Variants in CDH20 observed in about 807,000 individuals in gnomAD.
The protein encoded by CDH20 is cadherin 20.
In CDH20, 29 loss-of-function variants were observed where a neutral mutation model predicts 74.2. That is an observed-to-expected ratio of 0.39 (90% CI 0.29 to 0.53). The LOEUF (loss-of-function observed/expected upper bound fraction) is 0.53, where lower values mean the gene tolerates loss of function less well. CDH20 is among the 20% of genes least tolerant of loss of function. CDH20 has a pLI of 0.69. For missense variants in CDH20, 988 were observed against 1,048.3 expected, an observed-to-expected ratio of 0.94 and a Z score of 0.79; for synonymous variants, 469 against 405.4, an observed-to-expected ratio of 1.16 and a Z score of -1.88.
chr18:61,340,978 A>G (rs1385250277), intron 1 of CDH20, among the ~76,000 whole-genome samples: 1 of 152,232 alleles, frequency 6.6e-6, no homozygotes, highest in East Asian at 1.9e-4. Context: ...CTTTGCATCA[A>G]AGGATATCTT....
intron 1 of CDH20, among the ~76,000 whole-genome samples, chr18:61,389,953 T>C (rs774620701): frequency 1.3e-5 from 2 of 152,194 alleles, no homozygotes; most frequent in Non-Finnish European, 2.9e-5. Flanking sequence ...TATGCTCCAG[T>C]AACAGTCATC....
chr18:61,408,324 A>G (rs1457128040), intron 1 of CDH20, among the ~76,000 whole-genome samples: 1 of 152,186 alleles, frequency 6.6e-6, no homozygotes, highest in African/African-American at 2.4e-5. Context: ...TGAGTGTGAG[A>G]ATTGAAGGAC....
At chr18:61,536,010 G>A (rs1044417985) in intron 7 of CDH20, among the ~76,000 whole-genome samples, 13 of 151,944 alleles carry the variant, frequency 8.6e-5, no homozygotes, top group Admixed American at 2.0e-4. Context: ...GTTAAGAAAG[G>A]GCCTGGTACA....
intron 10 of CDH20, 42 bp from the exon 11 acceptor site, chr18:61,549,936 T>C: frequency 6.3e-7 from 1 of 1,589,744 alleles, no homozygotes; most frequent in Non-Finnish European, 8.6e-7. Context: ...AGAAATTAAT[T>C]CACCTTCCCT....
At chr18:61,410,926 C>T (rs966887061) in intron 1 of CDH20, among the ~76,000 whole-genome samples, 2 of 152,130 alleles carry the variant, frequency 1.3e-5, no homozygotes, top group Non-Finnish European at 2.9e-5. Flanking sequence ...CGGGGCTGAG[C>T]GCGGTGGCTC....
chr18:61,344,791 T>C (rs1373345138), intron 1 of CDH20, among the ~76,000 whole-genome samples: 1 of 152,202 alleles, frequency 6.6e-6, no homozygotes, highest in Non-Finnish European at 1.5e-5. Flanking sequence ...AAGGTACTAG[T>C]GCAAAACAAG....
chr18:61,502,913 T>C, intron 4 of CDH20, 40 bp from the exon 5 acceptor site: 2 of 1,533,576 alleles, frequency 1.3e-6, no homozygotes, highest in Non-Finnish European at 1.8e-6. Context: ...ACTGGACCTG[T>C]GGTTTTATTT....
At chr18:61,435,110 C>T (rs1356902893) in intron 1 of CDH20, among the ~76,000 whole-genome samples, 1 of 152,130 alleles carries the variant, frequency 6.6e-6, no homozygotes, top group Non-Finnish European at 1.5e-5. Context: ...GACTTACTGT[C>T]CTTTTTCTAC....
rs901179805 is a variant in CDH20, at chr18:61,477,464, T to C, written c.-152-12938T>C. ...AAACTGCAAAGTGGCTAAATTCTGT[T>C]TTCTGCAATTAAAAGGTGTGTGGCA... is the stretch of plus-strand genomic sequence containing the variant. On this transcript the variant is annotated intron_variant, in intron 1 of 11. Transcript: ENST00000262717. Among the ~76,000 whole-genome samples the C allele has an allele frequency of 2.6e-4, 39 of 152,330 alleles. 1 individual carries two copies. Among genetic ancestry groups the C allele is most frequent in the Admixed American group, 2.5e-3 (39 of 15,302 alleles).
At chr18:61,496,549 C>T (rs1447770298) in intron 2 of CDH20, among the ~76,000 whole-genome samples, 1 of 152,126 alleles carries the variant, frequency 6.6e-6, no homozygotes, top group Non-Finnish European at 1.5e-5. Context: ...AGCCCAGACT[C>T]CAGGGCACCA....
At chr18:61,399,171 A>G (rs1230026340) in intron 1 of CDH20, among the ~76,000 whole-genome samples, 1 of 132,878 alleles carries the variant, frequency 7.5e-6, no homozygotes, top group African/African-American at 3.1e-5. Context: ...TCCTGACTGC[A>G]TAGTCATTCA....
intron 5 of CDH20, 103 bp from the exon 6 acceptor site, chr18:61,507,270 C>T: frequency 8.7e-7 from 1 of 1,150,748 alleles, no homozygotes; most frequent in Non-Finnish European, 1.3e-6. Context: ...TTTTTGAACC[C>T]AGAAAAAAAG....
At chr18:61,421,902 A>G (rs1490370608) in intron 1 of CDH20, among the ~76,000 whole-genome samples, 1 of 152,042 alleles carries the variant, frequency 6.6e-6, no homozygotes, top group East Asian at 1.9e-4. Flanking sequence ...ATGAGGGGGG[A>G]AAATTCAGTA....
chr18:61,471,528 T>C (rs958571020), intron 1 of CDH20, among the ~76,000 whole-genome samples: 36 of 152,206 alleles, frequency 2.4e-4, no homozygotes, highest in African/African-American at 8.7e-4. Flanking sequence ...ACAGATTCAA[T>C]AGCAACATGC....
At chr18:61,382,427 T>C (rs1911461829) in intron 1 of CDH20, among the ~76,000 whole-genome samples, 1 of 152,102 alleles carries the variant, frequency 6.6e-6, no homozygotes, top group Non-Finnish European at 1.5e-5. Flanking sequence ...TAGCTGAGGG[T>C]AGATTCATCA....
At chr18:61,472,217 G>T (rs1369259352) in intron 1 of CDH20, among the ~76,000 whole-genome samples, 1 of 151,968 alleles carries the variant, frequency 6.6e-6, no homozygotes, top group East Asian at 1.9e-4. Flanking sequence ...CTTAAGAGAT[G>T]CCTTTTGTTC....
chr18:61,424,785 TTTC>T (rs1913011229), intron 1 of CDH20, among the ~76,000 whole-genome samples: 2 of 152,192 alleles, frequency 1.3e-5, no homozygotes, highest in Non-Finnish European at 2.9e-5. Context: ...AACTCATGTA[TTTC>T]TTCTTCTTCC....
At chr18:61,473,328 C>T (rs1202002551) in intron 1 of CDH20, among the ~76,000 whole-genome samples, 2 of 152,210 alleles carry the variant, frequency 1.3e-5, no homozygotes, top group Non-Finnish European at 2.9e-5. Flanking sequence ...TTTTTAGCCT[C>T]CTTCTTTAAC....
chr18:61,398,979 C>A (rs1342280984), intron 1 of CDH20, among the ~76,000 whole-genome samples: 2 of 152,122 alleles, frequency 1.3e-5, no homozygotes, highest in African/African-American at 2.4e-5. Context: ...TTCCCTGGCC[C>A]AAACTTATCA....
Sources: allele counts gnomAD v4.1 joint callset (sites outside exome capture counted in the v4.1 genomes callset), GRCh38; gene constraint gnomAD v4.1.1; transcripts MANE v1.5; gene names NCBI Gene and HGNC (gene_info 2026-07-23, HGNC 2026-07-21).